The following ENAH variants were observed in gnomAD, a reference collection of about 807,000 sequenced individuals.
The protein encoded by ENAH is protein enabled homolog.
A neutral mutation model predicts 78.7 loss-of-function variants in ENAH; 23 were observed. The observed-to-expected ratio is 0.29, with a 90% CI of 0.21 to 0.41. The LOEUF is 0.41. Among genes scored for constraint, ENAH ranks in the 10% least tolerant of loss-of-function variants. The pLI is 1.00. For missense variants in ENAH, 544 were observed against 691.0 expected (o/e 0.79, Z 2.39); for synonymous variants, 226 against 241.0 (o/e 0.94, Z 0.58).
chr1:225,572,102 G>GA (rs1245349731), intron 1 of ENAH, among the ~76,000 whole-genome samples: 3 of 152,170 alleles, frequency 2.0e-5, no homozygotes, highest in East Asian at 3.9e-4. Flanking sequence ...CAGCCTTATG[G>GA]AACTGAGCCC....
chr1:225,626,014 G>A (rs1657887947), intron 1 of ENAH, among the ~76,000 whole-genome samples: 1 of 152,102 alleles, frequency 6.6e-6, no homozygotes, highest in Non-Finnish European at 1.5e-5. Context: ...GTCTTTTTCA[G>A]GATTTTCCTC....
intron 2 of ENAH, among the ~76,000 whole-genome samples, chr1:225,560,756 T>C (rs1019068003): frequency 2.0e-5 from 3 of 152,192 alleles, no homozygotes; most frequent in Admixed American, 6.5e-5. Context: ...ATCAGAAAAT[T>C]AGAAGACCCA....
chr1:225,651,078 G>C (rs1169058473), intron 1 of ENAH, among the ~76,000 whole-genome samples: 1 of 151,754 alleles, frequency 6.6e-6, no homozygotes, highest in Non-Finnish European at 1.5e-5. Flanking sequence ...TAAAAAAAAA[G>C]AAGTCATGCT....
Position 225,518,542 on chromosome 1 carries a change from A to G in ENAH, c.802+656T>C, listed in dbSNP as rs80008213. Among the ~76,000 whole-genome samples, 370 of 152,320 alleles carry G rather than the reference A, an allele frequency of 2.4e-3. 7 individuals carry two copies. The highest frequency in any genetic ancestry group is 0.016 in the Admixed American group (250 of 15,302). On this transcript the variant is annotated intron_variant, in intron 5 of 13. Coordinates refer to ENST00000366843, the MANE Select transcript of ENAH (RefSeq NM_018212.6). ...AACTTAATAAACCAACCAACCAACC[A>G]CTGTTTAATCAAACCACATTAAGAC... is the stretch of plus-strand genomic sequence containing the variant.
intron 1 of ENAH, among the ~76,000 whole-genome samples, chr1:225,592,420 T>C (rs2096881487): frequency 6.6e-6 from 1 of 152,232 alleles, no homozygotes; most frequent in South Asian, 2.1e-4. Context: ...TCTTCATTTT[T>C]ACTCTTCCCT....
chr1:225,608,351 T>C (rs1016254437), intron 1 of ENAH, among the ~76,000 whole-genome samples: 1 of 150,624 alleles, frequency 6.6e-6, no homozygotes, highest in Non-Finnish European at 1.5e-5. Context: ...TTTCTAAGCA[T>C]TGAAGGGCAT....
At chr1:225,532,436 G>A (rs150000272) in intron 3 of ENAH, among the ~76,000 whole-genome samples, 13 of 152,214 alleles carry the variant, frequency 8.5e-5, no homozygotes, top group African/African-American at 2.6e-4. Context: ...AGCTGAATGT[G>A]AGTAGGTTAG....
intron 3 of ENAH, among the ~76,000 whole-genome samples, chr1:225,550,828 A>T (rs1360002245): frequency 6.6e-6 from 1 of 152,182 alleles, no homozygotes; most frequent in Non-Finnish European, 1.5e-5. Flanking sequence ...GGCATGCTTC[A>T]TCTTGGCTGA....
intron 1 of ENAH, among the ~76,000 whole-genome samples, chr1:225,574,708 T>C (rs1467902995): frequency 1.2e-4 from 1 of 8,336 alleles, no homozygotes; most frequent in Non-Finnish European, 2.1e-4. Flanking sequence ...GAGACCATCC[T>C]GGGTAACACA....
chr1:225,552,145 T>TC (rs1036049755), intron 3 of ENAH, among the ~76,000 whole-genome samples: 3 of 148,372 alleles, frequency 2.0e-5, no homozygotes, highest in African/African-American at 7.5e-5. Flanking sequence ...TTTTTTTTTT[T>TC]TTTTTTTTTG....
chr1:225,594,150 T>C (rs1558875534), intron 1 of ENAH, among the ~76,000 whole-genome samples: 1 of 152,200 alleles, frequency 6.6e-6, no homozygotes, highest in Non-Finnish European at 1.5e-5. Context: ...GGAACACTGC[T>C]AGATTCAAAG....
chr1:225,488,245 T>C lies in ENAH; in HGVS notation c.*9530A>G, dbSNP rs1281319666. The C allele has an allele frequency of 6.6e-6, 1 of 152,154 alleles. No individual in the cohort carries two copies. Among genetic ancestry groups the C allele is most frequent in the Non-Finnish European group, 1.5e-5 (1 of 68,052 alleles). The allele number at this position is 152,154 out of a possible 1,614,324, so 9.4% of individuals were successfully genotyped here. On this transcript the variant is annotated 3_prime_UTR_variant, in exon 14 of 14. Transcript: ENST00000366843. ...TGTTGCCCAGGCTGGCCTCCAACTT[T>C]GGGCTCAAGTGATCCTTCTGCCTCA...
rs2096671574 is a variant in ENAH, at chr1:225,557,216, G to A, written c.172-2133C>T. On this transcript the variant is annotated intron_variant, in intron 2 of 13. Coordinates refer to ENST00000366843, the MANE Select transcript of ENAH (RefSeq NM_018212.6). ...GAAAGCTAACATATCAATCTGAGGAGGCTCTTAAGTATCTTTATAGGGGTC... is the reference window on the plus strand; with the variant it reads ...GAAAGCTAACATATCAATCTGAGGAAGCTCTTAAGTATCTTTATAGGGGTC... Among the ~76,000 whole-genome samples, 3 of 152,198 alleles carry A rather than the reference G, an allele frequency of 2.0e-5. No homozygotes were observed. The South Asian group carries it at 6.2e-4, about 32-fold the overall frequency.
chr1:225,559,537 A>C (rs1009081092), intron 2 of ENAH, among the ~76,000 whole-genome samples: 4 of 152,208 alleles, frequency 2.6e-5, no homozygotes, highest in African/African-American at 9.7e-5. Context: ...TGTAACCAGA[A>C]CAAGAGGAAC....
At chr1:225,570,956 T>C (rs1029818512) in intron 1 of ENAH, among the ~76,000 whole-genome samples, 7 of 151,898 alleles carry the variant, frequency 4.6e-5, no homozygotes, top group African/African-American at 9.7e-5. Flanking sequence ...AGAGCGAAAC[T>C]CCGTCTCAAA....
intron 1 of ENAH, 35 bp downstream of exon 1, chr1:225,652,651 T>C (rs1473667527): frequency 1.8e-5 from 23 of 1,264,074 alleles, no homozygotes; most frequent in Non-Finnish European, 2.2e-5. Context: ...CGCGGCACAA[T>C]GGCCCGCCCG....
intron 11 of ENAH, among the ~76,000 whole-genome samples, chr1:225,504,529 C>T (rs989606060): frequency 6.6e-6 from 1 of 152,144 alleles, no homozygotes; most frequent in Non-Finnish European, 1.5e-5. Context: ...TCCTAGAAAA[C>T]AATCTACTCA....
At chr1:225,563,640 CTTTTG>C (rs1338158675) in intron 2 of ENAH, among the ~76,000 whole-genome samples, 1 of 152,030 alleles carries the variant, frequency 6.6e-6, no homozygotes, top group Non-Finnish European at 1.5e-5. Flanking sequence ...TCAAGAAGTG[CTTTTG>C]TTTTGTTTTT....
chr1:225,627,145 T>C (rs1265036418), intron 1 of ENAH, among the ~76,000 whole-genome samples: 1 of 152,236 alleles, frequency 6.6e-6, no homozygotes, highest in East Asian at 1.9e-4. Flanking sequence ...TGATATTATT[T>C]ATAATTTAGC....
Sources: allele counts gnomAD v4.1 joint callset (sites outside exome capture counted in the v4.1 genomes callset), GRCh38; gene constraint gnomAD v4.1.1; transcripts MANE v1.5; gene names NCBI Gene and HGNC (gene_info 2026-07-23, HGNC 2026-07-21).